The following CSMD1 variants were observed in gnomAD, a reference collection of about 807,000 sequenced individuals.
The protein encoded by CSMD1 is CUB and Sushi multiple domains 1, also known as CUB and sushi domain-containing protein 1.
In CSMD1, 213 loss-of-function variants were observed where a neutral mutation model predicts 417.5. The observed-to-expected ratio is 0.51, with a 90% CI of 0.46 to 0.57. The LOEUF (loss-of-function observed/expected upper bound fraction) is 0.57. Among genes scored for constraint, CSMD1 ranks in the 20% least tolerant of loss-of-function variants. The pLI, the probability that CSMD1 is intolerant of heterozygous loss-of-function variation, is 0.00. For synonymous variants in CSMD1, 2,862 were observed against 1,736.8 expected (o/e 1.65, Z -16.11); for missense variants, 6,923 against 4,529.7 (o/e 1.53, Z -15.17).
intron 5 of CSMD1, among the ~76,000 whole-genome samples, chr8:3,866,101 G>C (rs187972022): frequency 7.6e-4 from 115 of 152,068 alleles, no homozygotes; most frequent in Non-Finnish European, 1.4e-3. Flanking sequence ...TTCCAAATAA[G>C]GATTACATTA....
intron 3 of CSMD1, among the ~76,000 whole-genome samples, chr8:4,344,095 G>A (rs1000335942): frequency 6.6e-6 from 1 of 152,124 alleles, no homozygotes; most frequent in Non-Finnish European, 1.5e-5. Flanking sequence ...CGGTATACCA[G>A]CACCTCGAGT....
Position 2,935,778 on chromosome 8 carries a change from C to CTT in CSMD1, c.*2805_*2806dup, listed in dbSNP as rs1018510359. 3 of 152,114 alleles carry CTT rather than the reference C, an allele frequency of 2.0e-5. No homozygotes were observed. Among genetic ancestry groups the CTT allele is most frequent in the Non-Finnish European group, 4.4e-5 (3 of 67,984 alleles). 9.4% of individuals were successfully genotyped at this position (152,114 alleles called of 1,614,324 possible). ...TTTTCCTGATCATAATGCCAGCGTT[C>CTT]TTTTTTTTACCCCCTTTTTATAATA... On this transcript the variant is annotated 3_prime_UTR_variant, in exon 70 of 70. Transcript: ENST00000635120.
At chr8:4,204,832 A>G (rs757658156) in intron 3 of CSMD1, among the ~76,000 whole-genome samples, 4 of 151,080 alleles carry the variant, frequency 2.6e-5, no homozygotes, top group Non-Finnish European at 5.9e-5. Context: ...CTTTTATTTA[A>G]TTTTTTTTTA....
chr8:4,019,614 G>A (rs956746036), intron 4 of CSMD1, among the ~76,000 whole-genome samples: 1 of 152,172 alleles, frequency 6.6e-6, no homozygotes, highest in Non-Finnish European at 1.5e-5. Flanking sequence ...CAGAAGACAA[G>A]TGATTTCCTT....
At chr8:4,400,479 T>C (rs910553800) in intron 3 of CSMD1, among the ~76,000 whole-genome samples, 1 of 152,250 alleles carries the variant, frequency 6.6e-6, no homozygotes, top group African/African-American at 2.4e-5. Flanking sequence ...ACGCAAATTC[T>C]TGTGTTCAGC....
At chr8:4,296,215 C>T (rs541330855) in intron 3 of CSMD1, among the ~76,000 whole-genome samples, 2 of 152,198 alleles carry the variant, frequency 1.3e-5, no homozygotes, top group African/African-American at 4.8e-5. Flanking sequence ...CCAGCTGGGT[C>T]CAGCTTAAAA....
At chr8:3,321,279 G>T (rs1247344305) in intron 23 of CSMD1, among the ~76,000 whole-genome samples, 1 of 152,100 alleles carries the variant, frequency 6.6e-6, no homozygotes, top group Non-Finnish European at 1.5e-5. Flanking sequence ...CCTGGTCCCA[G>T]TCTTCTAAGG....
At chr8:3,794,396 T>G (rs1002149285) in intron 5 of CSMD1, among the ~76,000 whole-genome samples, 5 of 152,172 alleles carry the variant, frequency 3.3e-5, no homozygotes, top group Non-Finnish European at 4.4e-5. Flanking sequence ...CCATGTAGTT[T>G]TCTATCACTA....
chr8:4,692,900 T>C (rs1254894883), intron 1 of CSMD1, among the ~76,000 whole-genome samples: 1 of 152,356 alleles, frequency 6.6e-6, no homozygotes, highest in Non-Finnish European at 1.5e-5. Context: ...ACTTAATTGC[T>C]TAAACACTGA....
intron 5 of CSMD1, among the ~76,000 whole-genome samples, chr8:3,994,889 GC>G (rs1335278726): frequency 6.6e-6 from 1 of 151,988 alleles, no homozygotes; most frequent in South Asian, 2.1e-4. Context: ...TTGCTTATAT[GC>G]CCTTTTTTAA....
At chr8:4,247,740 T>C (rs1293894719) in intron 3 of CSMD1, among the ~76,000 whole-genome samples, 1 of 152,158 alleles carries the variant, frequency 6.6e-6, no homozygotes, top group Non-Finnish European at 1.5e-5. Context: ...AAATGTATCA[T>C]CAACTGCTGA....
intron 68 of CSMD1, among the ~76,000 whole-genome samples, chr8:2,944,322 G>A (rs957086897): frequency 3.9e-5 from 6 of 152,164 alleles, no homozygotes; most frequent in Admixed American, 2.6e-4. Flanking sequence ...GAGCCCTGGG[G>A]ACAACATGAA....
intron 3 of CSMD1, among the ~76,000 whole-genome samples, chr8:4,164,880 GAA>G (rs35866569): frequency 3.7e-5 from 4 of 107,948 alleles, no homozygotes; most frequent in African/African-American, 3.6e-5. Context: ...CCATCTCAAA[GAA>G]AAAAAAAAAT....
chr8:3,784,650 T>A (rs1211602958), intron 5 of CSMD1, among the ~76,000 whole-genome samples: 2 of 152,222 alleles, frequency 1.3e-5, no homozygotes, highest in South Asian at 2.1e-4. Context: ...GAAATCTGTT[T>A]GGTTTGGAAA....
intron 37 of CSMD1, among the ~76,000 whole-genome samples, chr8:3,170,816 T>C (rs964409313): frequency 3.9e-5 from 6 of 152,234 alleles, no homozygotes; most frequent in African/African-American, 1.4e-4. Flanking sequence ...AATCTACCCC[T>C]GATTTCTTTA....
chr8:3,188,016 A>C (rs767491729), intron 35 of CSMD1, 51 bp from the exon 36 acceptor site: 1 of 1,446,520 alleles, frequency 6.9e-7, no homozygotes, highest in Non-Finnish European at 9.6e-7. Flanking sequence ...TAACACAATT[A>C]GTCTAATTAG....
At chr8:3,761,285 C>G (rs775406160) in intron 5 of CSMD1, among the ~76,000 whole-genome samples, 1 of 152,036 alleles carries the variant, frequency 6.6e-6, no homozygotes, top group Non-Finnish European at 1.5e-5. Flanking sequence ...CAATAATACC[C>G]AGACACAAAT....
intron 3 of CSMD1, among the ~76,000 whole-genome samples, chr8:4,173,482 G>C (rs889857070): frequency 6.6e-5 from 10 of 152,112 alleles, no homozygotes; most frequent in Non-Finnish European, 1.3e-4. Context: ...GTTGGATCTA[G>C]AGACACAGCT....
intron 2 of CSMD1, among the ~76,000 whole-genome samples, chr8:4,489,677 G>A (rs1801599813): frequency 6.6e-6 from 1 of 152,174 alleles, no homozygotes; most frequent in South Asian, 2.1e-4. Context: ...GAGCACCTAT[G>A]TTTGATCTGG....
Sources: allele counts gnomAD v4.1 joint callset (sites outside exome capture counted in the v4.1 genomes callset), GRCh38; gene constraint gnomAD v4.1.1; transcripts MANE v1.5; gene names NCBI Gene and HGNC (gene_info 2026-07-23, HGNC 2026-07-21).